COL5A2: variants seen among roughly 807,000 people sequenced by gnomAD.
COL5A2 encodes the protein collagen type V alpha 2 chain.
In COL5A2, 23 loss-of-function variants were observed where a neutral mutation model predicts 208.2. That is an observed-to-expected ratio of 0.11 (90% CI 0.08 to 0.16). COL5A2 has a LOEUF of 0.16. COL5A2 is among the 10% of genes least tolerant of loss of function. COL5A2 has a pLI of 1.00. For synonymous variants in COL5A2, 625 were observed against 628.5 expected (o/e 0.99, Z 0.08); for missense variants, 1,590 against 1,956.4 (o/e 0.81, Z 3.53).
chr2:189,068,751 T>C, intron 19 of COL5A2, 35 bp downstream of exon 19: 1 of 1,423,734 alleles, frequency 7.0e-7, no homozygotes, highest in Non-Finnish European at 9.9e-7. Context: ...ATGTCCAGCT[T>C]TCTGGGCTGG....
chr2:189,262,585 T>G, the COL5A2 span, among the ~76,000 whole-genome samples: 5 of 152,080 alleles, frequency 3.3e-5, no homozygotes, highest in Non-Finnish European at 7.4e-5. Context: ...GTCTTCTTTA[T>G]AAAAAATATT....
intron 1 of COL5A2, among the ~76,000 whole-genome samples, chr2:189,187,693 G>A (rs192054819): frequency 4.7e-4 from 71 of 152,194 alleles, no homozygotes; most frequent in Admixed American, 1.4e-3. Flanking sequence ...ACTATTGGCC[G>A]GGCGCGGTGG....
chr2:189,186,541 T>C (rs990575663), intron 1 of COL5A2, among the ~76,000 whole-genome samples: 2 of 152,190 alleles, frequency 1.3e-5, no homozygotes, highest in African/African-American at 4.8e-5. Context: ...AAATTGAGGC[T>C]AATAAAAAAA....
At chr2:189,199,130 A>G (rs1329736511) in intron 1 of COL5A2, among the ~76,000 whole-genome samples, 1 of 152,170 alleles carries the variant, frequency 6.6e-6, no homozygotes, top group African/African-American at 2.4e-5. Context: ...AAAAATCAAG[A>G]CTAAATCTTT....
At chr2:189,411,927 T>C in the COL5A2 span, among the ~76,000 whole-genome samples, 1 of 152,164 alleles carries the variant, frequency 6.6e-6, no homozygotes, top group Non-Finnish European at 1.5e-5. Flanking sequence ...TCAAAGACAC[T>C]AGACGATTCT....
chr2:189,234,824 C>T, the COL5A2 span, among the ~76,000 whole-genome samples: 12 of 151,792 alleles, frequency 7.9e-5, no homozygotes, highest in Admixed American at 2.0e-4. Flanking sequence ...GAATTAATGG[C>T]ATGATCTATA....
At chr2:189,102,056 T>C (rs982066589) in intron 3 of COL5A2, among the ~76,000 whole-genome samples, 1 of 152,104 alleles carries the variant, frequency 6.6e-6, no homozygotes, top group African/African-American at 2.4e-5. Context: ...AGAATTTGAA[T>C]TGTTTAGAAA....
the COL5A2 span, among the ~76,000 whole-genome samples, chr2:189,392,856 G>A: frequency 6.6e-6 from 1 of 152,100 alleles, no homozygotes; most frequent in Non-Finnish European, 1.5e-5. Flanking sequence ...AATCACCTGG[G>A]CAGACTAAGT....
the COL5A2 span, among the ~76,000 whole-genome samples, chr2:189,325,868 A>G: frequency 5.3e-5 from 8 of 152,272 alleles, no homozygotes; most frequent in African/African-American, 1.9e-4. Context: ...AGGCCGAGCC[A>G]GGCAGATCAC....
the COL5A2 span, among the ~76,000 whole-genome samples, chr2:189,410,102 C>A: frequency 6.6e-6 from 1 of 152,106 alleles, no homozygotes; most frequent in African/African-American, 2.4e-5. Context: ...GAGAGAGCTA[C>A]TGAATCATTT....
chr2:189,047,153 T>C (rs911434697), intron 45 of COL5A2, among the ~76,000 whole-genome samples: 2 of 151,914 alleles, frequency 1.3e-5, no homozygotes, highest in Admixed American at 6.6e-5. Context: ...AAAGCACTTG[T>C]ACATTTAGAA....
At position 189,087,528 on chromosome 2, in the gene COL5A2, A is replaced by AC. The variant is rs546296020; in HGVS notation, c.646-759dup. 2.1e-3 allele frequency among the ~76,000 whole-genome samples: 323 copies of AC among 151,878 alleles called. 2 individuals carry two copies. The highest frequency in any genetic ancestry group is 7.1e-3 in the African/African-American group (294 of 41,450). On this transcript the variant is annotated intron_variant, in intron 8 of 53. Transcript: ENST00000374866. The stretch of plus-strand genomic sequence containing the variant: ...ACCCAGGCTGGAGTGCAGTGGCGCG[A>AC]CCTGGGCTCACTGCAAGCTCCACCT...
intron 7 of COL5A2, 24 bp downstream of exon 7, chr2:189,092,286 C>T: frequency 7.2e-7 from 1 of 1,386,346 alleles, no homozygotes; most frequent in Admixed American, 1.8e-5. Flanking sequence ...CTGTACGTGA[C>T]ATCAAACAAT....
At position 189,133,370 on chromosome 2, in the gene COL5A2, C is replaced by T. The variant is rs538530286; in HGVS notation, c.98-22921G>A. Among the ~76,000 whole-genome samples the T allele has an allele frequency of 2.4e-3, 366 of 151,952 alleles. 2 individuals carry two copies. Among genetic ancestry groups the T allele is most frequent in the African/African-American group, 7.6e-3 (314 of 41,456 alleles). ...TCTTGACTGCGTAATCCACCCACCG[C>T]GGCCCCCCAACAAGTGCTGGGATTA... On this transcript the variant is annotated intron_variant, in intron 1 of 53. Transcript: ENST00000374866.
At chr2:189,155,390 T>C (rs1377912422) in intron 1 of COL5A2, among the ~76,000 whole-genome samples, 1 of 152,200 alleles carries the variant, frequency 6.6e-6, no homozygotes, top group Non-Finnish European at 1.5e-5. Context: ...ACCTGCCTGA[T>C]TCCTTCTCAG....
chr2:189,079,830 C>T, intron 14 of COL5A2, 148 bp downstream of exon 14: 1 of 732,538 alleles, frequency 1.4e-6, no homozygotes. Context: ...CATTGCCACT[C>T]ATCTTTGAAA....
At chr2:189,042,988 G>A (rs1685590837) in intron 48 of COL5A2, among the ~76,000 whole-genome samples, 163 bp downstream of exon 48, 8 of 152,126 alleles carry the variant, frequency 5.3e-5, no homozygotes, top group Admixed American at 5.2e-4. Context: ...CAAAATTATA[G>A]CTTATTATTG....
chr2:189,405,392 C>T, the COL5A2 span, among the ~76,000 whole-genome samples: 5 of 151,846 alleles, frequency 3.3e-5, no homozygotes, highest in Non-Finnish European at 5.9e-5. Flanking sequence ...CTATGACACC[C>T]GGCTAATTTT....
At chr2:189,118,573 A>T (rs1687440999) in intron 1 of COL5A2, among the ~76,000 whole-genome samples, 1 of 152,104 alleles carries the variant, frequency 6.6e-6, no homozygotes, top group African/African-American at 2.4e-5. Flanking sequence ...CACAGTTCTC[A>T]ATGGCTCTTT....
Sources: allele counts gnomAD v4.1 joint callset (sites outside exome capture counted in the v4.1 genomes callset), GRCh38; gene constraint gnomAD v4.1.1; transcripts MANE v1.5; gene names NCBI Gene and HGNC (gene_info 2026-07-23, HGNC 2026-07-21).